The following NCKAP5 variants were observed in gnomAD, a reference collection of about 807,000 sequenced individuals.
NCKAP5 encodes NCK associated protein 5, also known as nck-associated protein 5.
Under a neutral mutation model 167.0 loss-of-function variants are expected in NCKAP5, and 92 were observed. That is an observed-to-expected ratio of 0.55 (90% CI 0.47 to 0.66). NCKAP5 has a LOEUF of 0.66. NCKAP5 is among the 30% of genes least tolerant of loss of function. The probability of loss-of-function intolerance (pLI) is 0.00; values close to 1 mark genes in which losing one functional copy is unlikely to be tolerated. For synonymous variants in NCKAP5, 891 were observed against 877.4 expected (o/e 1.02, Z -0.27); for missense variants, 2,378 against 2,315.0 (o/e 1.03, Z -0.56).
chr2:133,664,773 C>T, the NCKAP5 span, among the ~76,000 whole-genome samples: 3 of 152,160 alleles, frequency 2.0e-5, no homozygotes, highest in Admixed American at 2.0e-4. Flanking sequence ...GCTGAGATTA[C>T]ATATGTGAGC....
chr2:133,166,181 C>CT (rs1264794171), intron 5 of NCKAP5, among the ~76,000 whole-genome samples: 1 of 152,122 alleles, frequency 6.6e-6, no homozygotes, highest in Non-Finnish European at 1.5e-5. Flanking sequence ...ATGCAAAGAA[C>CT]TGGGAGAGAA....
chr2:132,800,962 C>T (rs1009746387), intron 11 of NCKAP5, among the ~76,000 whole-genome samples: 8 of 152,148 alleles, frequency 5.3e-5, no homozygotes, highest in African/African-American at 1.2e-4. Context: ...TCTGGGGGCA[C>T]GGCTGGCCTG....
At chr2:132,948,749 C>T (rs1445342308) in intron 8 of NCKAP5, among the ~76,000 whole-genome samples, 1 of 152,182 alleles carries the variant, frequency 6.6e-6, no homozygotes, top group Non-Finnish European at 1.5e-5. Flanking sequence ...TCTGAGATGA[C>T]TACAGAGCCA....
chr2:133,588,974 G>T, the NCKAP5 span, among the ~76,000 whole-genome samples: 1 of 152,196 alleles, frequency 6.6e-6, no homozygotes, highest in Admixed American at 6.5e-5. Context: ...GAAATGAGGT[G>T]CAGTGGTTGT....
chr2:132,996,105 T>C (rs2077592016), intron 6 of NCKAP5, among the ~76,000 whole-genome samples: 1 of 152,186 alleles, frequency 6.6e-6, no homozygotes, highest in African/African-American at 2.4e-5. Flanking sequence ...TCCATTATAG[T>C]TTTAAGACAC....
chr2:133,118,561 A>G (rs940426781), intron 6 of NCKAP5: 3 of 152,192 alleles, frequency 2.0e-5, no homozygotes, highest in Non-Finnish European at 4.4e-5. Context: ...GGCTAAAATC[A>G]TAAGCAGCTT....
intron 16 of NCKAP5, among the ~76,000 whole-genome samples, chr2:132,751,118 T>C (rs1026465606): frequency 2.0e-5 from 3 of 152,170 alleles, no homozygotes; most frequent in African/African-American, 7.2e-5. Flanking sequence ...GAAATCTGTC[T>C]TGGTGGGAGG....
At chr2:133,650,498 T>A in the NCKAP5 span, among the ~76,000 whole-genome samples, 1 of 152,152 alleles carries the variant, frequency 6.6e-6, no homozygotes, top group African/African-American at 2.4e-5. Context: ...AACATGATGC[T>A]GACATAAAGA....
intron 13 of NCKAP5, among the ~76,000 whole-genome samples, chr2:132,785,922 C>A (rs1023240071): frequency 1.3e-5 from 2 of 152,206 alleles, no homozygotes; most frequent in Non-Finnish European, 2.9e-5. Flanking sequence ...AGAAGCACAG[C>A]GATCTAAAGA....
intron 11 of NCKAP5, among the ~76,000 whole-genome samples, chr2:132,812,099 T>C (rs1349458797): frequency 6.6e-6 from 1 of 152,194 alleles, no homozygotes; most frequent in East Asian, 1.9e-4. Flanking sequence ...ACTTCCGCAG[T>C]TGGGGCACTC....
chr2:133,132,946 G>A (rs1314829321), intron 5 of NCKAP5, among the ~76,000 whole-genome samples: 6 of 152,094 alleles, frequency 3.9e-5, no homozygotes, highest in Non-Finnish European at 5.9e-5. Context: ...AAAGTGCTGG[G>A]ATTATAGGCG....
At chr2:133,229,354 GA>G (rs1287251734) in intron 4 of NCKAP5, among the ~76,000 whole-genome samples, 3 of 152,060 alleles carry the variant, frequency 2.0e-5, no homozygotes, top group African/African-American at 7.2e-5. Context: ...CAAGAGAGGG[GA>G]AAAGCAAATA....
chr2:133,552,572 A>G (rs1237747812), intron 2 of NCKAP5, among the ~76,000 whole-genome samples: 61 of 127,118 alleles, frequency 4.8e-4, no homozygotes, highest in Non-Finnish European at 7.1e-4. Flanking sequence ...AGGAAGGGGA[A>G]TATCACACTC....
chr2:133,480,394 G>T (rs2151311477), intron 3 of NCKAP5, among the ~76,000 whole-genome samples: 1 of 150,928 alleles, frequency 6.6e-6, no homozygotes, highest in Admixed American at 6.6e-5. Context: ...AGTATCTGTT[G>T]GTTTTGCTTG....
At chr2:133,512,885 G>A (rs755448530) in intron 3 of NCKAP5, among the ~76,000 whole-genome samples, 5 of 152,020 alleles carry the variant, frequency 3.3e-5, no homozygotes, top group Admixed American at 6.5e-5. Context: ...TCCAACTACC[G>A]CTTCCCCATG....
chr2:133,324,630 G>A (rs923960194), intron 3 of NCKAP5, among the ~76,000 whole-genome samples: 4 of 152,172 alleles, frequency 2.6e-5, no homozygotes, highest in African/African-American at 7.2e-5. Flanking sequence ...CGAAATAAAA[G>A]TTTGTTGCAG....
At chr2:133,072,904 T>C (rs2080466967) in intron 6 of NCKAP5, among the ~76,000 whole-genome samples, 1 of 152,146 alleles carries the variant, frequency 6.6e-6, no homozygotes, top group Non-Finnish European at 1.5e-5. Flanking sequence ...AAACCCACCA[T>C]GGCTCCGAAT....
intron 3 of NCKAP5, among the ~76,000 whole-genome samples, chr2:133,474,142 ATC>A (rs111677272): frequency 1.6e-4 from 24 of 146,814 alleles, no homozygotes; most frequent in African/African-American, 6.3e-4. Flanking sequence ...CTATCTATCT[ATC>A]TATCTATCTA....
At chr2:132,874,913 T>G (rs1414111673) in intron 9 of NCKAP5, among the ~76,000 whole-genome samples, 1 of 151,774 alleles carries the variant, frequency 6.6e-6, no homozygotes, top group Admixed American at 6.6e-5. Context: ...TATTTTATTT[T>G]ATTTTATTTT....
Sources: allele counts gnomAD v4.1 joint callset (sites outside exome capture counted in the v4.1 genomes callset), GRCh38; gene constraint gnomAD v4.1.1; transcripts MANE v1.5; gene names NCBI Gene and HGNC (gene_info 2026-07-23, HGNC 2026-07-21).